NPRL3: variants seen among roughly 807,000 people sequenced by gnomAD.
NPRL3 encodes NPR3 like, GATOR1 complex subunit, also known as GATOR1 complex protein NPRL3.
A neutral mutation model predicts 57.2 loss-of-function variants in NPRL3; 23 were observed. That is an observed-to-expected ratio of 0.40 (90% CI 0.29 to 0.57). The LOEUF is 0.57. NPRL3 is among the 20% of genes least tolerant of loss of function. The pLI is 0.42. For missense variants in NPRL3, 691 were observed against 767.1 expected (o/e 0.90, Z 1.17); for synonymous variants, 333 against 321.1 (o/e 1.04, Z -0.39).
chr16:109,981 A>G (rs947034618), intron 7 of NPRL3, among the ~76,000 whole-genome samples: 1 of 124,728 alleles, frequency 8.0e-6, no homozygotes, highest in Admixed American at 9.0e-5. Context: ...CAAACCATTT[A>G]AAAAACAGCC....
At chr16:109,315 C>A (rs1040337286) in intron 7 of NPRL3, among the ~76,000 whole-genome samples, 1 of 152,118 alleles carries the variant, frequency 6.6e-6, no homozygotes, top group Admixed American at 6.6e-5. Flanking sequence ...ACAATCAGAA[C>A]AACTGTGAGG....
intron 8 of NPRL3, among the ~76,000 whole-genome samples, chr16:99,567 C>T (rs915153063): frequency 2.0e-5 from 3 of 149,642 alleles, no homozygotes; most frequent in Admixed American, 6.7e-5. Context: ...CGCTTGAACC[C>T]GGGAGACAGA....
chr16:118,985 C>A, intron 4 of NPRL3, 141 bp downstream of exon 4: 8 of 1,291,696 alleles, frequency 6.2e-6, no homozygotes, highest in Non-Finnish European at 8.5e-6. Flanking sequence ...GGGAGCCCCA[C>A]CTGCCCAAGG....
intron 2 of NPRL3, among the ~76,000 whole-genome samples, chr16:130,889 G>A (rs1044417372): frequency 1.3e-5 from 2 of 152,234 alleles, no homozygotes; most frequent in African/African-American, 4.8e-5. Context: ...GGGAAATGAA[G>A]AGTTATTGGT....
chr16:118,724 C>G (rs941951616), intron 4 of NPRL3, among the ~76,000 whole-genome samples: 1 of 152,256 alleles, frequency 6.6e-6, no homozygotes, highest in African/African-American at 2.4e-5. Context: ...TGCCCAGTAC[C>G]TTCACCAGAG....
intron 7 of NPRL3, among the ~76,000 whole-genome samples, chr16:109,143 A>T (rs1175575203): frequency 6.6e-6 from 1 of 151,800 alleles, no homozygotes; most frequent in African/African-American, 2.4e-5. Flanking sequence ...TTTTTTAAAA[A>T]TTTTTTGTAG....
chr16:95,388 A>G (rs1226547181), intron 9 of NPRL3, among the ~76,000 whole-genome samples: 1 of 130,864 alleles, frequency 7.6e-6, no homozygotes, highest in Non-Finnish European at 1.7e-5. Context: ...CACACACAAT[A>G]AAATGTATAT....
At chr16:120,109 G>A (rs1246656474) in intron 3 of NPRL3, among the ~76,000 whole-genome samples, 1 of 152,172 alleles carries the variant, frequency 6.6e-6, no homozygotes, top group Non-Finnish European at 1.5e-5. Flanking sequence ...AGAGTCCAGG[G>A]CTCTGAGGGC....
intron 11 of NPRL3, chr16:90,835 G>C (rs1021498022): frequency 6.6e-6 from 1 of 152,184 alleles, no homozygotes; most frequent in African/African-American, 2.4e-5. Flanking sequence ...ATGAATTTAA[G>C]AAATAAAACA....
intron 2 of NPRL3, among the ~76,000 whole-genome samples, chr16:131,608 A>AAC (rs1900804044): frequency 6.6e-6 from 1 of 151,366 alleles, no homozygotes; most frequent in African/African-American, 2.4e-5. Context: ...AAAAAAAAAA[A>AAC]AAAAAAAAAA....
At chr16:120,853 C>A (rs988427353) in intron 3 of NPRL3, among the ~76,000 whole-genome samples, 14 of 152,276 alleles carry the variant, frequency 9.2e-5, no homozygotes, top group Non-Finnish European at 1.6e-4. Flanking sequence ...TCTATAACTC[C>A]CATCTGTGGG....
intron 12 of NPRL3, chr16:89,235 C>A: frequency 6.1e-6 from 2 of 326,494 alleles, no homozygotes; most frequent in Non-Finnish European, 5.7e-6. Flanking sequence ...TCACATGAAG[C>A]ATGAAGCCTA....
At chr16:113,987 C>T (rs915206775) in intron 5 of NPRL3, among the ~76,000 whole-genome samples, 8 of 152,202 alleles carry the variant, frequency 5.3e-5, no homozygotes, top group Admixed American at 2.0e-4. Context: ...CCTGCTCCTC[C>T]ATGTCAAGGG....
chr16:96,311 G>T (rs1899003247), intron 9 of NPRL3, among the ~76,000 whole-genome samples: 1 of 152,182 alleles, frequency 6.6e-6, no homozygotes, highest in South Asian at 2.1e-4. Flanking sequence ...GCCAGGCCCA[G>T]CTCCTTTCAA....
At chr16:115,379 AAAAG>A (rs200045700) in intron 5 of NPRL3, among the ~76,000 whole-genome samples, 3,565 of 152,306 alleles carry the variant, frequency 0.023, 68 homozygotes, top group Admixed American at 0.036. Context: ...ATATATTTTA[AAAAG>A]AAAGACTTGT....
chr16:98,065 A>G, intron 9 of NPRL3, 80 bp downstream of exon 9: 1 of 1,529,718 alleles, frequency 6.5e-7, no homozygotes, highest in Middle Eastern at 1.9e-4. Flanking sequence ...GCCCCTGTGG[A>G]TGTACTGTGG....
Position 88,739 on chromosome 16 carries a change from T to G in NPRL3, c.1503A>C (p.Val501=). The G allele has an allele frequency of 6.2e-7, 1 of 1,613,512 alleles. No homozygotes were observed. Among genetic ancestry groups the G allele is most frequent in the Non-Finnish European group, 8.5e-7 (1 of 1,179,668 alleles). Residue 501 remains valine (V), a synonymous_variant, in exon 13 of 14, where the codon GTA becomes GTC. Coordinates refer to ENST00000611875, the MANE Select transcript of NPRL3 (RefSeq NM_001077350.3). The part of the protein sequence containing the change: ...SEHERAAILS[V]PAAQNPEDLR... ...GGTCCTCAGGGTTCTGGGCTGCGGG[T>G]ACACTGAGGATGGCTGCGCGTTCAT...
intron 9 of NPRL3, among the ~76,000 whole-genome samples, chr16:97,594 G>C (rs139152873): frequency 6.6e-6 from 1 of 151,942 alleles, no homozygotes; most frequent in Non-Finnish European, 1.5e-5. Flanking sequence ...CATCTAATCA[G>C]AAAGGGCAGC....
At chr16:88,559 C>G in intron 13 of NPRL3, 139 bp downstream of exon 13, 1 of 807,304 alleles carries the variant, frequency 1.2e-6, no homozygotes, top group Non-Finnish European at 2.0e-6. Flanking sequence ...CCCCTACACA[C>G]CTGAATGCAG....
Sources: gnomAD v4.1 joint callset for allele counts (sites outside exome capture counted in the v4.1 genomes callset) on GRCh38, gnomAD v4.1.1 for gene constraint, MANE v1.5 for transcripts, NCBI Gene and HGNC (gene_info 2026-07-23, HGNC 2026-07-21) for gene names.